The following PCBP2 variants were observed in gnomAD, a reference collection of about 807,000 sequenced individuals.
The protein encoded by PCBP2 is poly(rC) binding protein 2, also known as poly(rC)-binding protein 2.
Under a neutral mutation model 50.1 loss-of-function variants are expected in PCBP2, and 4 were observed. The ratio of observed to expected loss-of-function variants is 0.08; its 90% CI spans 0.04 to 0.18. The LOEUF is 0.18. Among genes scored for constraint, PCBP2 ranks in the 10% least tolerant of loss-of-function variants. The pLI, the probability that PCBP2 is intolerant of heterozygous loss-of-function variation, is 1.00. For missense variants in PCBP2, 161 were observed against 474.3 expected, an observed-to-expected ratio of 0.34 and a Z score of 6.14; for synonymous variants, 179 against 168.0, an observed-to-expected ratio of 1.07 and a Z score of -0.51.
intron 6 of PCBP2, 176 bp from the exon 7 acceptor site, chr12:53,460,837 ACT>A (rs1324585074): frequency 7.1e-6 from 4 of 564,574 alleles, no homozygotes; most frequent in Non-Finnish European, 1.2e-5. Flanking sequence ...TTTATTTTTA[ACT>A]CTAATTCACT....
At chr12:53,471,957 A>G in intron 14 of PCBP2, 150 bp downstream of exon 14, 1 of 446,928 alleles carries the variant, frequency 2.2e-6, no homozygotes, top group Non-Finnish European at 3.6e-6. Context: ...CTACTTTCTT[A>G]GAGTGTAGCA....
In PCBP2 at chr12:53,472,006, G is replaced by GT. The variant is rs201552613; in HGVS notation, c.1052+199_1052+200insT. Among the ~76,000 whole-genome samples the GT allele has an allele frequency of 7.4e-5, 11 of 148,794 alleles. No homozygotes were observed. In the South Asian group the frequency reaches 1.3e-3, roughly 18 times the overall value. ...GCAGTAAGTTTTCAAGGGGTTGGTG[G>GT]GGGGGGGAGCACAGATTGCCCGCAT... On this transcript the variant is annotated intron_variant, in intron 14 of 14. Coordinates refer to ENST00000546463, the MANE Select transcript of PCBP2 (RefSeq NM_031989.5).
At chr12:53,463,751 G>A (rs1316586210) in intron 8 of PCBP2, among the ~76,000 whole-genome samples, 2 of 152,228 alleles carry the variant, frequency 1.3e-5, no homozygotes, top group Non-Finnish European at 2.9e-5. Flanking sequence ...AGCTGCCTAA[G>A]CAAGTGCGTT....
intron 10 of PCBP2, 42 bp downstream of exon 10, chr12:53,466,015 C>T (rs762400373): frequency 1.3e-6 from 2 of 1,584,052 alleles, no homozygotes; most frequent in East Asian, 2.2e-5. Context: ...AGCTCCCTCT[C>T]CCATCCAAAA....
chr12:53,474,230 A>G (rs546866920), intron 14 of PCBP2, among the ~76,000 whole-genome samples: 1 of 152,244 alleles, frequency 6.6e-6, no homozygotes, highest in African/African-American at 2.4e-5. Context: ...CCCACCAGAA[A>G]AGCTTCCCTA....
intron 9 of PCBP2, 114 bp from the exon 10 acceptor site, chr12:53,465,818 C>A: frequency 3.8e-6 from 3 of 791,706 alleles, no homozygotes; most frequent in African/African-American, 3.4e-5. Flanking sequence ...TCTCTGGCCT[C>A]CCCCATTCTC....
In PCBP2 at chr12:53,477,665, C is replaced by CAAAAAAAAAAA. The variant is rs61213286; in HGVS notation, c.1053-1722_1053-1712dup. On this transcript the variant is annotated intron_variant, in intron 14 of 14. Transcript: ENST00000546463. ...TGGGTGACAAAGCAAGACTCTGTCTCAAAAAAAAAAAAAAAAAAAAAAAAA... is the reference window on the plus strand; with the variant it reads ...TGGGTGACAAAGCAAGACTCTGTCTCAAAAAAAAAAAAAAAAAAAAAAAAAAAAAAAAAAAA... Among the ~76,000 whole-genome samples the CAAAAAAAAAAA allele has an allele frequency of 5.1e-4, 27 of 52,884 alleles. 1 individual carries two copies. The East Asian group carries it at 6.9e-3, about 13-fold the overall frequency. The allele number at this position is 52,884 out of a possible 152,430, so 34.7% of individuals were successfully genotyped here. A position where few individuals can be genotyped will look rare whatever the true frequency, so the allele number is the denominator to read the frequency against.
chr12:53,471,922 A>AT, intron 14 of PCBP2, 115 bp downstream of exon 14: 1 of 673,056 alleles, frequency 1.5e-6, no homozygotes, highest in Non-Finnish European at 2.1e-6. Context: ...GATGGCCAAA[A>AT]GGTTTTTTTT....
chr12:53,452,529 C>T (rs1027832568), intron 1 of PCBP2, among the ~76,000 whole-genome samples, 153 bp downstream of exon 1: 27 of 151,484 alleles, frequency 1.8e-4, no homozygotes, highest in African/African-American at 6.3e-4. Flanking sequence ...CGGTCATTCA[C>T]GCGAGGCCCT....
At chr12:53,453,540 C>T (rs1206537729) in intron 1 of PCBP2, among the ~76,000 whole-genome samples, 1 of 152,170 alleles carries the variant, frequency 6.6e-6, no homozygotes, top group Non-Finnish European at 1.5e-5. Context: ...GTGACAGACA[C>T]TTAAGCACCT....
chr12:53,465,820 C>T, intron 9 of PCBP2, 112 bp from the exon 10 acceptor site: 1 of 803,362 alleles, frequency 1.2e-6, no homozygotes, highest in South Asian at 1.5e-5. Context: ...TCTGGCCTCC[C>T]CCATTCTCTA....
At position 53,481,035 on chromosome 12, in the gene PCBP2, G is replaced by T; in HGVS notation, c.*1593G>T. The T allele has an allele frequency of 4.3e-6, 1 of 232,046 alleles. No homozygotes were observed. Among genetic ancestry groups the T allele is most frequent in the Non-Finnish European group, 7.8e-6 (1 of 127,456 alleles). The allele number at this position is 232,046 out of a possible 1,614,324, so 14.4% of individuals were successfully genotyped here. On this transcript the variant is annotated 3_prime_UTR_variant, in exon 15 of 15. Coordinates refer to ENST00000546463, the MANE Select transcript of PCBP2 (RefSeq NM_031989.5). ...GTCCCTAGAGTTTATCAGGTGAATT[G>T]GTCAGGGGATCAGTCTCCCTCGAGC... is the stretch of plus-strand genomic sequence containing the variant.
chr12:53,464,285 C>G (rs991805467), intron 8 of PCBP2, among the ~76,000 whole-genome samples: 1 of 151,950 alleles, frequency 6.6e-6, no homozygotes, highest in Non-Finnish European at 1.5e-5. Flanking sequence ...ACACCTCCCC[C>G]TTCATACCTC....
chr12:53,460,969 G>A (rs1246698393), intron 6 of PCBP2, 46 bp from the exon 7 acceptor site: 1 of 1,605,768 alleles, frequency 6.2e-7, no homozygotes, highest in Admixed American at 1.7e-5. Flanking sequence ...AATTGGAAGA[G>A]CATGAACTGT....
At chr12:53,473,793 T>A (rs1167656529) in intron 14 of PCBP2, among the ~76,000 whole-genome samples, 1 of 152,142 alleles carries the variant, frequency 6.6e-6, no homozygotes, top group Non-Finnish European at 1.5e-5. Flanking sequence ...TCATTTTTTT[T>A]AAGTCAAGAA....
chr12:53,466,637 G>A (rs1450869899), intron 10 of PCBP2, among the ~76,000 whole-genome samples: 1 of 152,160 alleles, frequency 6.6e-6, no homozygotes, highest in Non-Finnish European at 1.5e-5. Context: ...TAGGCCCCAG[G>A]AGAGAGGGAA....
At chr12:53,470,190 C>G (rs1018574675) in intron 13 of PCBP2, among the ~76,000 whole-genome samples, 2 of 151,772 alleles carry the variant, frequency 1.3e-5, no homozygotes, top group African/African-American at 4.8e-5. Context: ...CCAGCCTGAC[C>G]ATAGTGGTGA....
At chr12:53,469,517 T>C (rs896848838) in intron 13 of PCBP2, among the ~76,000 whole-genome samples, 2 of 151,716 alleles carry the variant, frequency 1.3e-5, no homozygotes, top group African/African-American at 2.4e-5. Context: ...GCTTGGAAGT[T>C]CGAGACCAGC....
intron 1 of PCBP2, chr12:53,452,868 T>C (rs1334748730): frequency 6.6e-6 from 1 of 152,132 alleles, no homozygotes; most frequent in African/African-American, 2.4e-5. Context: ...GGGGGGCTTT[T>C]TTTCTTAAGT....
Sources: gnomAD v4.1 joint callset for allele counts (sites outside exome capture counted in the v4.1 genomes callset) on GRCh38, gnomAD v4.1.1 for gene constraint, MANE v1.5 for transcripts, NCBI Gene and HGNC (gene_info 2026-07-23, HGNC 2026-07-21) for gene names.